PIK3C2G: variants seen among roughly 807,000 people sequenced by gnomAD.
PIK3C2G encodes phosphatidylinositol 3-kinase C2 domain-containing subunit gamma.
Under a neutral mutation model 181.1 loss-of-function variants are expected in PIK3C2G, and 168 were observed. The observed-to-expected ratio is 0.93, with a 90% confidence interval of 0.82 to 1.05. The LOEUF (loss-of-function observed/expected upper bound fraction) is 1.05. Among genes scored for constraint, PIK3C2G ranks in the 50% least tolerant of loss-of-function variants. The pLI, the probability that PIK3C2G is intolerant of heterozygous loss-of-function variation, is 0.00. For synonymous variants in PIK3C2G, 573 were observed against 592.2 expected (o/e 0.97, Z 0.47); for missense variants, 1,869 against 1,732.8 (o/e 1.08, Z -1.40).
chr12:18,595,859 A>G (rs1048027698), intron 30 of PIK3C2G, among the ~76,000 whole-genome samples: 2 of 152,142 alleles, frequency 1.3e-5, no homozygotes, highest in East Asian at 3.9e-4. Context: ...CCTTTGGATA[A>G]ACATCAAAAC....
intron 11 of PIK3C2G, chr12:18,359,088 C>T (rs1260161080): frequency 6.6e-6 from 1 of 152,402 alleles, no homozygotes; most frequent in African/African-American, 2.4e-5. Context: ...TCAGGTGGAT[C>T]TCAATGGCAG....
At chr12:18,617,786 C>T (rs949403804) in intron 31 of PIK3C2G, among the ~76,000 whole-genome samples, 1 of 152,074 alleles carries the variant, frequency 6.6e-6, no homozygotes, top group African/African-American at 2.4e-5. Flanking sequence ...TTGTACTTGG[C>T]AAACCCTCTA....
At chr12:18,462,819 T>C (rs1220637508) in intron 18 of PIK3C2G, among the ~76,000 whole-genome samples, 1 of 152,194 alleles carries the variant, frequency 6.6e-6, no homozygotes, top group African/African-American at 2.4e-5. Flanking sequence ...TAATATTGGC[T>C]GCTTCCTAAA....
chr12:18,342,986 G>T (rs1224294211), intron 9 of PIK3C2G, among the ~76,000 whole-genome samples: 1 of 151,984 alleles, frequency 6.6e-6, no homozygotes, highest in Non-Finnish European at 1.5e-5. Context: ...CTAGGAATAA[G>T]AGCTGGACAC....
At chr12:18,725,724 C>G in the PIK3C2G span, among the ~76,000 whole-genome samples, 13 of 152,146 alleles carry the variant, frequency 8.5e-5, no homozygotes, top group Admixed American at 2.6e-4. Context: ...GAATTAGTTG[C>G]AGTACAGGTA....
At chr12:18,482,163 C>G (rs1305914245) in intron 18 of PIK3C2G, among the ~76,000 whole-genome samples, 1 of 149,982 alleles carries the variant, frequency 6.7e-6, no homozygotes, top group Admixed American at 6.7e-5. Flanking sequence ...CCACCCGCCC[C>G]CCGCCACCCT....
chr12:18,557,431 C>T (rs575669366), intron 26 of PIK3C2G, among the ~76,000 whole-genome samples: 1 of 151,818 alleles, frequency 6.6e-6, no homozygotes, highest in South Asian at 2.1e-4. Flanking sequence ...TAAATAGATA[C>T]AGAAAGTGTA....
At chr12:18,477,413 A>G (rs1939111900) in intron 18 of PIK3C2G, among the ~76,000 whole-genome samples, 1 of 152,192 alleles carries the variant, frequency 6.6e-6, no homozygotes, top group Non-Finnish European at 1.5e-5. Context: ...GAAAAGGACA[A>G]TTATACCTGC....
chr12:18,660,272 G>A, the PIK3C2G span, among the ~76,000 whole-genome samples: 44 of 152,178 alleles, frequency 2.9e-4, no homozygotes, highest in Admixed American at 5.9e-4. Context: ...AAACCAGCAG[G>A]AGCCATAAGG....
chr12:18,655,753 A>G, the PIK3C2G span, among the ~76,000 whole-genome samples: 4 of 7,976 alleles, frequency 5.0e-4, 1 homozygote, highest in South Asian at 0.013. Flanking sequence ...TTATCATGAA[A>G]AAAAAAAAAA....
chr12:18,427,899 T>A (rs1387106016), intron 18 of PIK3C2G, among the ~76,000 whole-genome samples: 1 of 152,110 alleles, frequency 6.6e-6, no homozygotes, highest in Admixed American at 6.5e-5. Context: ...TTTGTAAGAA[T>A]ATGAAAAAAG....
intron 24 of PIK3C2G, among the ~76,000 whole-genome samples, chr12:18,510,314 AC>A (rs1942124241): frequency 6.6e-6 from 1 of 152,200 alleles, no homozygotes; most frequent in Admixed American, 6.5e-5. Flanking sequence ...AAAGTGGCCA[AC>A]AAATTGTGCA....
chr12:18,444,086 A>G (rs1382127444), intron 18 of PIK3C2G, among the ~76,000 whole-genome samples: 1 of 152,208 alleles, frequency 6.6e-6, no homozygotes, highest in African/African-American at 2.4e-5. Flanking sequence ...TACAAAATAA[A>G]TATGTAAACA....
In PIK3C2G at chr12:18,648,145, A is replaced by T; in HGVS notation, c.*117A>T. On this transcript the variant is annotated 3_prime_UTR_variant, in exon 33 of 33. Coordinates refer to ENST00000538779, the MANE Select transcript of PIK3C2G (RefSeq NM_001288772.2). Reference sequence around the variant, plus strand: ...TCAAAGACAGCACAGGGTATTAAGGACACAGAAAAAAAATCAGAATTAGTC... The same window carrying T: ...TCAAAGACAGCACAGGGTATTAAGGTCACAGAAAAAAAATCAGAATTAGTC... The T allele has an allele frequency of 4.2e-6, 2 of 478,476 alleles. No homozygotes were observed. Among genetic ancestry groups the T allele is most frequent in the Admixed American group, 8.6e-5 (2 of 23,180 alleles). 29.6% of individuals were successfully genotyped at this position (478,476 alleles called of 1,614,324 possible).
intron 11 of PIK3C2G, among the ~76,000 whole-genome samples, chr12:18,347,342 T>C (rs1939766908): frequency 6.6e-6 from 1 of 152,170 alleles, no homozygotes; most frequent in Non-Finnish European, 1.5e-5. Context: ...GAACGACAAT[T>C]ACACATGGAA....
At chr12:18,491,380 AAAT>A (rs1940553547) in intron 19 of PIK3C2G, 68 bp from the exon 20 acceptor site, 1 of 819,356 alleles carries the variant, frequency 1.2e-6, no homozygotes, top group Non-Finnish European at 2.0e-6. Flanking sequence ...CAATAGAAGA[AAAT>A]TATAACCTGA....
chr12:18,347,125 C>A (rs965113921), intron 11 of PIK3C2G, among the ~76,000 whole-genome samples: 5 of 151,708 alleles, frequency 3.3e-5, no homozygotes, highest in Non-Finnish European at 1.5e-5. Context: ...CTAAAATTTT[C>A]TTTTTCATGT....
chr12:18,638,840 C>T (rs1221275368), intron 31 of PIK3C2G, among the ~76,000 whole-genome samples: 1 of 151,490 alleles, frequency 6.6e-6, no homozygotes, highest in African/African-American at 2.4e-5. Context: ...AAGTTTTACC[C>T]ACTAAGTTGC....
At chr12:18,478,551 A>C (rs1939232668) in intron 18 of PIK3C2G, among the ~76,000 whole-genome samples, 1 of 152,196 alleles carries the variant, frequency 6.6e-6, no homozygotes. Flanking sequence ...CACTTTCTCA[A>C]GTGAAGAAGG....
Sources: allele counts gnomAD v4.1 joint callset (sites outside exome capture counted in the v4.1 genomes callset), GRCh38; gene constraint gnomAD v4.1.1; transcripts MANE v1.5; gene names NCBI Gene and HGNC (gene_info 2026-07-23, HGNC 2026-07-21).